The following PLCL1 variants were observed in gnomAD, a reference collection of about 807,000 sequenced individuals.
PLCL1 encodes inactive phospholipase C-like protein 1.
In PLCL1, 41 loss-of-function variants were observed where a neutral mutation model predicts 84.4. That is an observed-to-expected ratio of 0.49 (90% CI 0.38 to 0.63). PLCL1 has a LOEUF of 0.63. PLCL1 is among the 30% of genes least tolerant of loss of function. PLCL1 has a pLI of 0.00. For synonymous variants in PLCL1, 490 were observed against 488.3 expected (o/e 1.00, Z -0.05); for missense variants, 1,206 against 1,367.8 (o/e 0.88, Z 1.87).
chr2:198,021,321 C>T (rs189455810), intron 1 of PLCL1, among the ~76,000 whole-genome samples: 56 of 152,242 alleles, frequency 3.7e-4, no homozygotes, highest in Non-Finnish European at 4.3e-4. Context: ...AGCACCCTAA[C>T]ATCACAATTC....
At chr2:197,809,381 C>T (rs1690539010) in intron 1 of PLCL1, among the ~76,000 whole-genome samples, 1 of 152,198 alleles carries the variant, frequency 6.6e-6, no homozygotes, top group Admixed American at 6.5e-5. Flanking sequence ...TCCATCAACA[C>T]TTCTAGGTTT....
At chr2:197,811,406 A>T (rs188254948) in intron 1 of PLCL1, among the ~76,000 whole-genome samples, 2 of 152,328 alleles carry the variant, frequency 1.3e-5, no homozygotes, top group East Asian at 3.9e-4. Flanking sequence ...TAAGAGAGAG[A>T]TATAACCTAG....
rs79740633 is a variant in PLCL1, at chr2:198,001,689, C to T, written c.241-82069C>T. ...GAGCAGGGGTTCCCAAACCCCGGTA[C>T]GGTCTGTGGCTTGTTAGGAATCAGG... On this transcript the variant is annotated intron_variant, in intron 1 of 5. Transcript: ENST00000428675. Among the ~76,000 whole-genome samples, 746 of 152,178 alleles carry T rather than the reference C, an allele frequency of 4.9e-3. 6 individuals carry two copies. Among genetic ancestry groups the T allele is most frequent in the African/African-American group, 0.017 (701 of 41,506 alleles).
chr2:198,021,081 A>G (rs1186483545), intron 1 of PLCL1, among the ~76,000 whole-genome samples: 7 of 152,262 alleles, frequency 4.6e-5, no homozygotes. Flanking sequence ...ATTAGAATTC[A>G]GGATTCAGAA....
At chr2:198,063,556 G>A (rs1055366209) in intron 1 of PLCL1, among the ~76,000 whole-genome samples, 3 of 152,180 alleles carry the variant, frequency 2.0e-5, no homozygotes, top group African/African-American at 7.2e-5. Context: ...TTGAGATTCT[G>A]AAAGTTCAGA....
At chr2:197,891,849 C>G (rs1026649341) in intron 1 of PLCL1, among the ~76,000 whole-genome samples, 1 of 152,074 alleles carries the variant, frequency 6.6e-6, no homozygotes, top group African/African-American at 2.4e-5. Flanking sequence ...CTTGATAGTT[C>G]AGGGTTAGGA....
At chr2:197,856,092 G>A (rs1217655018) in intron 1 of PLCL1, among the ~76,000 whole-genome samples, 2 of 152,156 alleles carry the variant, frequency 1.3e-5, no homozygotes, top group Non-Finnish European at 2.9e-5. Flanking sequence ...GGAACTTTAA[G>A]AACATATCAG....
intron 1 of PLCL1, among the ~76,000 whole-genome samples, chr2:197,818,248 C>T (rs1002295537): frequency 5.3e-5 from 8 of 152,064 alleles, no homozygotes; most frequent in Non-Finnish European, 8.8e-5. Flanking sequence ...AGCCACCACT[C>T]CTTTAAAAAA....
chr2:198,103,777 C>T (rs1693402821), intron 4 of PLCL1, 50 bp from the exon 5 acceptor site: 2 of 827,210 alleles, frequency 2.4e-6, no homozygotes, highest in Non-Finnish European at 3.9e-6. Context: ...ATAAGATGCC[C>T]ATTTTTCTGA....
chr2:197,949,690 T>C (rs1169741614), intron 1 of PLCL1, among the ~76,000 whole-genome samples: 1 of 152,038 alleles, frequency 6.6e-6, no homozygotes, highest in Admixed American at 6.6e-5. Context: ...AGAGAGAAAC[T>C]TCAGGGTGAA....
intron 1 of PLCL1, among the ~76,000 whole-genome samples, chr2:198,011,379 T>C (rs1690864716): frequency 6.6e-6 from 1 of 152,118 alleles, no homozygotes; most frequent in Non-Finnish European, 1.5e-5. Context: ...CATTAGTTGT[T>C]TATGAGTGCA....
chr2:197,950,687 G>T (rs892495629), intron 1 of PLCL1, among the ~76,000 whole-genome samples: 2 of 151,980 alleles, frequency 1.3e-5, no homozygotes, highest in East Asian at 3.9e-4. Flanking sequence ...TAATATAATA[G>T]AATTAAAAAA....
intron 1 of PLCL1, among the ~76,000 whole-genome samples, chr2:197,945,980 C>T (rs1689263846): frequency 6.6e-6 from 1 of 152,042 alleles, no homozygotes; most frequent in African/African-American, 2.4e-5. Context: ...CTTTGTCACT[C>T]CTCTGATAAT....
chr2:197,912,840 T>C (rs1688512842), intron 1 of PLCL1, among the ~76,000 whole-genome samples: 1 of 136,250 alleles, frequency 7.3e-6, no homozygotes, highest in Non-Finnish European at 1.6e-5. Context: ...TTGGGAGATA[T>C]ACCTAATGCT....
intron 5 of PLCL1, among the ~76,000 whole-genome samples, chr2:198,138,791 G>A (rs557349111): frequency 5.3e-5 from 8 of 152,208 alleles, no homozygotes; most frequent in South Asian, 2.1e-4. Flanking sequence ...GTGGGCATCC[G>A]CCTGGGCCCC....
At chr2:198,010,515 C>G (rs1173448758) in intron 1 of PLCL1, among the ~76,000 whole-genome samples, 1 of 151,892 alleles carries the variant, frequency 6.6e-6, no homozygotes, top group Non-Finnish European at 1.5e-5. Context: ...ATAAATCCCT[C>G]TTGATCATGG....
intron 1 of PLCL1, among the ~76,000 whole-genome samples, chr2:198,061,332 A>G (rs1692194714): frequency 6.6e-6 from 1 of 152,184 alleles, no homozygotes; most frequent in Non-Finnish European, 1.5e-5. Context: ...CTTGAACACT[A>G]GGAAATGCTT....
chr2:198,022,186 C>G (rs111755439), intron 1 of PLCL1, among the ~76,000 whole-genome samples: 26,103 of 152,110 alleles, frequency 0.17, 2,323 homozygotes, highest in East Asian at 0.26. Flanking sequence ...ATTCAACACC[C>G]CTTCATGCTA....
chr2:197,958,626 A>G (rs1689540001), intron 1 of PLCL1, among the ~76,000 whole-genome samples: 1 of 152,232 alleles, frequency 6.6e-6, no homozygotes, highest in South Asian at 2.1e-4. Context: ...GATGGTCACT[A>G]TAAATGTCAA....
Sources: gnomAD v4.1 joint callset for allele counts (sites outside exome capture counted in the v4.1 genomes callset) on GRCh38, gnomAD v4.1.1 for gene constraint, MANE v1.5 for transcripts, NCBI Gene and HGNC (gene_info 2026-07-23, HGNC 2026-07-21) for gene names.